The following ACACA variants were observed in gnomAD, a reference collection of about 807,000 sequenced individuals.
The protein encoded by ACACA is acetyl-CoA carboxylase 1.
Under a neutral mutation model 296.1 loss-of-function variants are expected in ACACA, and 103 were observed. The ratio of observed to expected loss-of-function variants is 0.35; its 90% CI spans 0.30 to 0.41. The LOEUF (loss-of-function observed/expected upper bound fraction) is 0.41, where lower values mean the gene tolerates loss of function less well. Among genes scored for constraint, ACACA ranks in the 10% least tolerant of loss-of-function variants. The pLI is 1.00. For missense variants in ACACA, 1,554 were observed against 2,989.7 expected (o/e 0.52, Z 11.20); for synonymous variants, 953 against 1,038.6 (o/e 0.92, Z 1.58).
At chr17:37,322,903 C>A (rs1239144430) in intron 3 of ACACA, among the ~76,000 whole-genome samples, 1 of 152,214 alleles carries the variant, frequency 6.6e-6, no homozygotes, top group East Asian at 1.9e-4. Context: ...TTCCACCACT[C>A]AATAAAACCT....
At chr17:37,388,786 C>T (rs373981919) in intron 1 of ACACA, 3 of 1,612,992 alleles carry the variant, frequency 1.9e-6, no homozygotes, top group African/African-American at 2.7e-5. Flanking sequence ...TTTTGAAGTC[C>T]CATGTCCTGT....
chr17:37,327,267 A>G (rs1304406054), intron 3 of ACACA, among the ~76,000 whole-genome samples: 1 of 150,726 alleles, frequency 6.6e-6, no homozygotes, highest in Non-Finnish European at 1.5e-5. Context: ...AATTAGTGGC[A>G]GATGTCATAA....
rs751788239 is a variant in ACACA at position 37,270,893 on chromosome 17, AAC to A, written c.1009-34_1009-33del. ...AAAGAAAGAAAAAAAAAATAGAAGAAACAGTGTTATTACCAGGGAAGGAGAAA... is the reference window on the plus strand; with the variant it reads ...AAAGAAAGAAAAAAAAAATAGAAGAAAGTGTTATTACCAGGGAAGGAGAAA... On this transcript the variant is annotated intron_variant, in intron 9 of 55. Transcript: ENST00000616317. 3.2e-6 allele frequency: 5 copies of A among 1,549,124 alleles called. No homozygotes were observed. The South Asian group carries it at 4.5e-5, about 14-fold the overall frequency.
intron 41 of ACACA, chr17:37,163,118 G>C (rs2076528784): frequency 7.0e-6 from 1 of 143,036 alleles, no homozygotes; most frequent in South Asian, 1.9e-4. Flanking sequence ...TCACCACCAA[G>C]AGTCCCAACA....
intron 25 of ACACA, among the ~76,000 whole-genome samples, chr17:37,229,794 G>A (rs2079759981): frequency 6.6e-6 from 1 of 151,894 alleles, no homozygotes; most frequent in African/African-American, 2.4e-5. Context: ...TGTGGGCCAG[G>A]CGTGGTGGCT....
At chr17:37,292,355 C>T (rs1242638969) in intron 3 of ACACA, among the ~76,000 whole-genome samples, 2 of 152,104 alleles carry the variant, frequency 1.3e-5, no homozygotes, top group Admixed American at 6.6e-5. Flanking sequence ...CTCAAAGCAT[C>T]TTGAGAAAAA....
intron 1 of ACACA, among the ~76,000 whole-genome samples, chr17:37,390,269 A>AT (rs2050773950): frequency 6.8e-4 from 46 of 67,742 alleles, no homozygotes; most frequent in Non-Finnish European, 1.1e-3. Context: ...ATAATTATAT[A>AT]TAATATATTA....
At chr17:37,356,386 A>T (rs1207575984) in intron 1 of ACACA, among the ~76,000 whole-genome samples, 3 of 151,524 alleles carry the variant, frequency 2.0e-5, no homozygotes, top group African/African-American at 7.3e-5. Flanking sequence ...TATTATTATT[A>T]TTATTTTTTT....
chr17:37,144,795 G>C (rs773754384), intron 45 of ACACA, among the ~76,000 whole-genome samples: 2 of 150,370 alleles, frequency 1.3e-5, no homozygotes. Flanking sequence ...TCTCGCTAAG[G>C]GGGATGAGAG....
At chr17:37,172,959 C>G (rs190634756) in intron 41 of ACACA, among the ~76,000 whole-genome samples, 52 of 152,278 alleles carry the variant, frequency 3.4e-4, no homozygotes, top group African/African-American at 1.2e-3. Flanking sequence ...TGCCTCTTTT[C>G]TAACACATAT....
chr17:37,175,390 C>T (rs1352070544), intron 41 of ACACA, among the ~76,000 whole-genome samples: 5 of 152,174 alleles, frequency 3.3e-5, no homozygotes, highest in African/African-American at 1.2e-4. Flanking sequence ...CTCAAAATGT[C>T]CCCACCTGCA....
At chr17:37,146,837 A>G (rs1229842539) in intron 45 of ACACA, among the ~76,000 whole-genome samples, 1 of 116,414 alleles carries the variant, frequency 8.6e-6, no homozygotes, top group African/African-American at 3.2e-5. Context: ...AGTCCCCCCC[A>G]AAACCCCCCA....
intron 52 of ACACA, among the ~76,000 whole-genome samples, chr17:37,103,722 A>C (rs1043107544): frequency 9.4e-5 from 14 of 148,798 alleles, no homozygotes; most frequent in Non-Finnish European, 1.6e-4. Flanking sequence ...CAAACACACA[A>C]ACACACACAC....
chr17:37,264,791 T>G (rs1316583174), intron 10 of ACACA, among the ~76,000 whole-genome samples: 2 of 152,358 alleles, frequency 1.3e-5, no homozygotes, highest in East Asian at 1.9e-4. Context: ...CTCTGTATCT[T>G]TTTTGCTCTG....
At chr17:37,340,125 C>T (rs1049837051) in intron 1 of ACACA, among the ~76,000 whole-genome samples, 1 of 152,082 alleles carries the variant, frequency 6.6e-6, no homozygotes, top group African/African-American at 2.4e-5. Flanking sequence ...ATTGTATACT[C>T]GATGAATACA....
intron 1 of ACACA, chr17:37,378,020 C>A: frequency 6.7e-7 from 1 of 1,492,684 alleles, no homozygotes; most frequent in African/African-American, 1.4e-5. Flanking sequence ...AAATTTTTAC[C>A]TTTAAAAGAT....
intron 41 of ACACA, among the ~76,000 whole-genome samples, chr17:37,175,496 T>C (rs1567765127): frequency 1.3e-5 from 2 of 152,234 alleles, no homozygotes; most frequent in Non-Finnish European, 2.9e-5. Context: ...AGCAGAACTG[T>C]TGGATAGCTG....
At chr17:37,186,322 T>C (rs1017572681) in intron 39 of ACACA, among the ~76,000 whole-genome samples, 1 of 152,236 alleles carries the variant, frequency 6.6e-6, no homozygotes, top group African/African-American at 2.4e-5. Context: ...AGCACATATT[T>C]GCCACAGAGA....
intron 7 of ACACA, 88 bp from the exon 8 acceptor site, chr17:37,276,137 T>C: frequency 1.0e-6 from 1 of 968,142 alleles, no homozygotes; most frequent in East Asian, 2.4e-5. Context: ...TAGCTATTTA[T>C]GTATTTGTCT....
Sources: allele counts gnomAD v4.1 joint callset (sites outside exome capture counted in the v4.1 genomes callset), GRCh38; gene constraint gnomAD v4.1.1; transcripts MANE v1.5; gene names NCBI Gene and HGNC (gene_info 2026-07-23, HGNC 2026-07-21).